Variants in ESPNL observed in about 807,000 individuals in gnomAD.
The protein encoded by ESPNL is espin like.
A neutral mutation model predicts 46.8 loss-of-function variants in ESPNL; 49 were observed. The ratio of observed to expected loss-of-function variants is 1.05; its 90% CI spans 0.83 to 1.33. The LOEUF (loss-of-function observed/expected upper bound fraction) is 1.33, where lower values mean the gene tolerates loss of function less well. Ranked by LOEUF, ESPNL falls within the 40% of genes most tolerant of loss-of-function variation. The pLI is 0.00. For synonymous variants in ESPNL, 664 were observed against 662.1 expected (o/e 1.00, Z -0.04); for missense variants, 1,540 against 1,436.6 (o/e 1.07, Z -1.16).
chr2:238,129,781 G>A lies in ESPNL; in HGVS notation c.1414-347G>A, dbSNP rs4663292. ...AAAGTAAAAGTCCTGCCCCTCCGTC[G>A]CACCAGCCACCTGTCGTTTCTGTAG... is the stretch of plus-strand genomic sequence containing the variant. On this transcript the variant is annotated intron_variant, in intron 8 of 8. Coordinates refer to ENST00000343063, the MANE Select transcript of ESPNL (RefSeq NM_194312.4). Among the ~76,000 whole-genome samples, 24 of 152,258 alleles carry A rather than the reference G, an allele frequency of 1.6e-4. 1 individual carries two copies. The highest frequency in any genetic ancestry group is 2.4e-4 in the African/African-American group (10 of 41,466).
chr2:238,112,688 G>T (rs1295010520), intron 4 of ESPNL, among the ~76,000 whole-genome samples: 1 of 151,936 alleles, frequency 6.6e-6, no homozygotes, highest in Non-Finnish European at 1.5e-5. Context: ...TTTGATAATT[G>T]TTCAGTTAAA....
Position 238,130,925 on chromosome 2 carries a change from C to G in ESPNL, c.2211C>G (p.Arg737=). The G allele has an allele frequency of 1.9e-6, 3 of 1,549,082 alleles. No individual in the cohort carries two copies. Among genetic ancestry groups the G allele is most frequent in the Non-Finnish European group, 2.6e-6 (3 of 1,147,362 alleles). ...AAAGPDLASL[R]KERIIMLFLS... is the part of the protein sequence containing the mutation. ...CCGGCCCAGACCTGGCCAGCCTGCG[C>G]AAGGAGCGCATCATCATGCTCTTCC... is the stretch of plus-strand genomic sequence containing the variant. The change falls in exon 9 of 9, where the codon CGC becomes CGG. Residue 737 remains arginine (R), a synonymous_variant. Transcript: ENST00000343063.
Position 238,113,579 on chromosome 2 carries a change from G to A in ESPNL, c.856-3324G>A, listed in dbSNP as rs560751873. ...CATATGCTGACATGAAAAATGAAGC[G>A]TAGGCATAACTGGAGGCCTTAGCAA... On this transcript the variant is annotated intron_variant, in intron 4 of 8. Coordinates refer to ENST00000343063, the MANE Select transcript of ESPNL (RefSeq NM_194312.4). 1.7e-4 allele frequency among the ~76,000 whole-genome samples: 26 copies of A among 152,258 alleles called. No homozygotes were observed. The East Asian group carries it at 1.7e-3, about 10-fold the overall frequency.
rs545926428 is a variant in ESPNL, at chr2:238,125,310, C to A, written c.1028C>A (p.Pro343Gln). 1.6e-5 allele frequency: 25 copies of A among 1,566,900 alleles called. No individual in the cohort carries two copies. The Admixed American group carries it at 2.2e-4, about 14-fold the overall frequency. The change falls in exon 6 of 9, where the codon CCA (proline) becomes CAA (glutamine). Residue 343 changes from proline to glutamine, a missense_variant. By Grantham distance (76) the Pro-to-Gln change is moderately conservative. Transcript: ENST00000343063. ...ACGCCCCCACCACCACCGTTCCCCCCACCTCCACTGTTGGCCACGAGGCGC... is the reference window on the plus strand; with the variant it reads ...ACGCCCCCACCACCACCGTTCCCCCAACCTCCACTGTTGGCCACGAGGCGC... ...LMTPPPPPFP[P>Q]PPLLATRRSL...
At chr2:238,100,950 G>A (rs982281906) in intron 1 of ESPNL, among the ~76,000 whole-genome samples, 2 of 152,252 alleles carry the variant, frequency 1.3e-5, no homozygotes, top group Non-Finnish European at 2.9e-5. Flanking sequence ...CCAGGAAGCT[G>A]GGCGTTGCCA....
rs1215177408 is a variant in ESPNL, at chr2:238,131,203, C to T, written c.2489C>T (p.Pro830Leu). ...CAGCTGCGGCGGCTGAGCCGGCAGCCCCGCGGGGCTTTGTCCCCCGAGCAG... is the reference window on the plus strand; with the variant it reads ...CAGCTGCGGCGGCTGAGCCGGCAGCTCCGCGGGGCTTTGTCCCCCGAGCAG... ...ARQLRRLSRQ[P>L]RGALSPEQFL... The change falls in exon 9 of 9, where the codon CCC (proline) becomes CTC (leucine). Residue 830 changes from proline (P) to leucine (L), a missense_variant. Coordinates refer to ENST00000343063, the MANE Select transcript of ESPNL (RefSeq NM_194312.4). The T allele has an allele frequency of 1.3e-6, 2 of 1,545,388 alleles. No individual in the cohort carries two copies. Among genetic ancestry groups the T allele is most frequent in the Non-Finnish European group, 1.7e-6 (2 of 1,147,868 alleles).
chr2:238,126,398 T>C (rs1186260591), intron 6 of ESPNL, among the ~76,000 whole-genome samples: 2 of 148,928 alleles, frequency 1.3e-5, no homozygotes, highest in Non-Finnish European at 3.0e-5. Context: ...CTCTGTATGA[T>C]TATGCCTGTG....
At position 238,100,555 on chromosome 2, in the gene ESPNL, G is replaced by T; in HGVS notation, c.136G>T (p.Ala46Ser). ...GAGLVHHATR[A>S]GHLDCVKFLV... Reference sequence around the variant, plus strand: ...CGGCCTGGTTCACCACGCCACCCGGGCTGGCCACCTGGACTGCGTCAAGTT... The same window carrying T: ...CGGCCTGGTTCACCACGCCACCCGGTCTGGCCACCTGGACTGCGTCAAGTT... Residue 46 changes from alanine (A) to serine (S), a missense_variant, in exon 1 of 9, where the codon GCT becomes TCT. Transcript: ENST00000343063. 1 of 1,590,622 alleles carries T rather than the reference G, an allele frequency of 6.3e-7. No homozygotes were observed. The highest frequency in any genetic ancestry group is 8.5e-7 in the Non-Finnish European group (1 of 1,170,966).
In ESPNL at chr2:238,131,529, C is replaced by T; in HGVS notation, c.2815C>T (p.Pro939Ser). Residue 939 changes from proline (P) to serine (S), a missense_variant, in exon 9 of 9, where the codon CCT (proline) becomes TCT (serine). By Grantham distance (74) the Pro-to-Ser change is moderately conservative. Transcript: ENST00000343063. Reference sequence around the variant, plus strand: ...CCAGCGTCCCGCCTGGGATACGGAGCCTGGCCGCAAGTCAGGTCTGACCCT... The same window carrying T: ...CCAGCGTCCCGCCTGGGATACGGAGTCTGGCCGCAAGTCAGGTCTGACCCT... ...SSQRPAWDTE[P>S]GRKSGLTLLG... The T allele has an allele frequency of 6.2e-7, 1 of 1,611,482 alleles. No individual in the cohort carries two copies. The highest frequency in any genetic ancestry group is 8.5e-7 in the Non-Finnish European group (1 of 1,179,326).
chr2:238,130,510 T>C lies in ESPNL; in HGVS notation c.1796T>C (p.Leu599Pro). Reference protein sequence around the residue: ...LPFWCSHISRLVRSLSLLLKG... With the variant: ...LPFWCSHISRPVRSLSLLLKG... ...TTCTGGTGCAGCCACATCTCCCGCC[T>C]GGTACGCAGCCTGTCCCTGCTGCTG... Residue 599 changes from leucine (L) to proline (P), a missense_variant, in exon 9 of 9, where the codon CTG becomes CCG. Physicochemically the swap from Leu to Pro is moderately conservative, Grantham distance 98. Transcript: ENST00000343063. 8.8e-6 allele frequency: 14 copies of C among 1,598,376 alleles called. No individual in the cohort carries two copies. The highest frequency in any genetic ancestry group is 1.2e-5 in the Non-Finnish European group (14 of 1,172,542).
Position 238,107,989 on chromosome 2 carries a change from G to A in ESPNL, c.855+16G>A. The A allele has an allele frequency of 6.2e-7, 1 of 1,600,400 alleles. No homozygotes were observed. Among genetic ancestry groups the A allele is most frequent in the South Asian group, 1.1e-5 (1 of 89,202 alleles). On this transcript the variant is annotated intron_variant, in intron 4 of 8. Coordinates refer to ENST00000343063, the MANE Select transcript of ESPNL (RefSeq NM_194312.4). ...GCAGATGGAGGTAAGGTGGGCGTGA[G>A]GGAGACAGGGTGAGCAGTCACAAGT...
At chr2:238,113,041 C>G (rs569322930) in intron 4 of ESPNL, among the ~76,000 whole-genome samples, 1 of 152,194 alleles carries the variant, frequency 6.6e-6, no homozygotes, top group Non-Finnish European at 1.5e-5. Context: ...TCAAGTGGAT[C>G]GAGAGAATTG....
chr2:238,105,503 ACT>A lies in ESPNL; in HGVS notation c.672+664_672+665del, dbSNP rs1424296469. On this transcript the variant is annotated intron_variant, in intron 3 of 8. Transcript: ENST00000343063. ...ACTCCAGCCTGGGCAACAAAGTGAG[ACT>A]CTGTCTCAAAAAAAAAAAAAAAAAA... Among the ~76,000 whole-genome samples, 53 of 127,158 alleles carry A rather than the reference ACT, an allele frequency of 4.2e-4. 2 individuals carry two copies. Among genetic ancestry groups the A allele is most frequent in the Middle Eastern group, 4.0e-3 (1 of 252 alleles). The allele number at this position is 127,158 out of a possible 152,430, so 83.4% of individuals were successfully genotyped here. A position where few individuals can be genotyped will look rare whatever the true frequency, so the allele number is the denominator to read the frequency against.
In ESPNL at chr2:238,114,890, C is replaced by T. The variant is rs766603506; in HGVS notation, c.856-2013C>T. Among the ~76,000 whole-genome samples, 8 of 152,202 alleles carry T rather than the reference C, an allele frequency of 5.3e-5. No homozygotes were observed. Among genetic ancestry groups the T allele is most frequent in the Non-Finnish European group, 1.2e-4 (8 of 68,036 alleles). Reference sequence around the variant, plus strand: ...GGTTGCATATTTGTGCCAGAGCCGGCGGCCCCCGGGCTGAGCTGCTTACTC... The same window carrying T: ...GGTTGCATATTTGTGCCAGAGCCGGTGGCCCCCGGGCTGAGCTGCTTACTC... On this transcript the variant is annotated intron_variant, in intron 4 of 8. Coordinates refer to ENST00000343063, the MANE Select transcript of ESPNL (RefSeq NM_194312.4). The surrounding 1 kb of genome is among the most constrained non-coding windows in gnomAD (Gnocchi z 5.0).
intron 6 of ESPNL, among the ~76,000 whole-genome samples, chr2:238,126,921 C>CTGTGTGTCTGTGATTGTCTG (rs1553574033): frequency 0.17 from 24,289 of 146,562 alleles, 2,083 homozygotes; most frequent in East Asian, 0.24. Flanking sequence ...ATGATCGTGT[C>CTGTGTGTCTGTGATTGTCTG]TGTGTGTCTG....
chr2:238,131,257 T>A lies in ESPNL; in HGVS notation c.2543T>A (p.Val848Glu). ...QFLPHVDGAP[V>E]PYSSLSLDLF... ...CTGCCCCACGTGGACGGGGCTCCGG[T>A]GCCCTACAGCAGCCTCTCACTGGAT... Residue 848 changes from valine (V) to glutamate (E), a missense_variant, in exon 9 of 9, where the codon GTG (valine) becomes GAG (glutamate). Val to Glu is a moderately radical substitution (Grantham distance 121, BLOSUM62 -2). Coordinates refer to ENST00000343063, the MANE Select transcript of ESPNL (RefSeq NM_194312.4). The A allele has an allele frequency of 6.4e-7, 1 of 1,573,824 alleles. No homozygotes were observed. The highest frequency in any genetic ancestry group is 1.8e-5 in the Admixed American group (1 of 54,628).
intron 5 of ESPNL, among the ~76,000 whole-genome samples, chr2:238,119,223 A>ATGG (rs879300893): frequency 0.068 from 7,901 of 116,100 alleles, 557 homozygotes; most frequent in Non-Finnish European, 0.1. Context: ...AGGAGGGTGG[A>ATGG]AGGAAGAGGG....
At chr2:238,115,054 CGGTTCTGGCTCCGGTCTTGCGGT>C (rs1245242182) in intron 4 of ESPNL, among the ~76,000 whole-genome samples, 7 of 152,236 alleles carry the variant, frequency 4.6e-5, no homozygotes, top group South Asian at 2.1e-4. Flanking sequence ...GGTCTTGCGG[CGGTTCTGGCTCCGGTCTTGCGGT>C]GGTTCTGGCT....
intron 5 of ESPNL, among the ~76,000 whole-genome samples, chr2:238,118,037 A>AATGGATGGAGGAGGGTGAATGGAGGAGGG (rs1197464872): frequency 1.7e-5 from 2 of 116,782 alleles, no homozygotes; most frequent in Non-Finnish European, 3.6e-5. Flanking sequence ...ATGGAGGAGG[A>AATGGATGGAGGAGGGTGAATGGAGGAGGG]ATGGATGGAG....
Sources: allele counts gnomAD v4.1 joint callset (sites outside exome capture counted in the v4.1 genomes callset), GRCh38; gene constraint gnomAD v4.1.1; non-coding constraint Gnocchi (gnomAD v3.1); transcripts MANE v1.5; gene names NCBI Gene and HGNC (gene_info 2026-07-23, HGNC 2026-07-21).